Variants in TMBIM4 observed in about 807,000 individuals in gnomAD.
TMBIM4 encodes transmembrane BAX inhibitor motif containing 4.
Under a neutral mutation model 27.7 loss-of-function variants are expected in TMBIM4, and 28 were observed. That is an observed-to-expected ratio of 1.01 (90% confidence interval 0.75 to 1.38). TMBIM4 has a LOEUF of 1.38. Among genes scored for constraint, TMBIM4 ranks in the 40% most tolerant of loss-of-function variants. TMBIM4 has a pLI of 0.00. For synonymous variants in TMBIM4, 115 were observed against 113.1 expected, an observed-to-expected ratio of 1.02 and a Z score of -0.11; for missense variants, 265 against 277.5, an observed-to-expected ratio of 0.95 and a Z score of 0.32.
intron 1 of TMBIM4, among the ~76,000 whole-genome samples, chr12:66,160,566 T>A (rs1029470806): frequency 1.3e-5 from 2 of 152,218 alleles, no homozygotes; most frequent in African/African-American, 4.8e-5. Flanking sequence ...ACATATATAT[T>A]ACAATAGACT....
Position 66,138,082 on chromosome 12 carries a change from G to A in TMBIM4, c.595C>T (p.His199Tyr). Residue 199 changes from histidine (H) to tyrosine (Y), a missense_variant, in exon 7 of 7, where the codon CAC (histidine) becomes TAC (tyrosine). By Grantham distance (83) the His-to-Tyr change is moderately conservative (BLOSUM62 2). Transcript: ENST00000358230. ...GGTGACAGTTTATGCATCAGTGAGT[G>A]TGTGTCATAGATGATGAATCCACAG... ...LFCGFIIYDT[H>Y]SLMHKLSPEE... The A allele has an allele frequency of 1.9e-6, 3 of 1,614,014 alleles. No homozygotes were observed. The highest frequency in any genetic ancestry group is 1.3e-5 in the African/African-American group (1 of 75,008).
In TMBIM4 at chr12:66,169,913, G is replaced by T. The variant is rs774876325; in HGVS notation, c.39C>A (p.Ile13=). ...DPDPRYPRSS[I]EDDFNYGSSV... Reference sequence around the variant, plus strand: ...TGCTGCCATAGTTGAAGTCGTCCTCGATCGAGGAGCGAGGGTACCGGGGGT... The same window carrying T: ...TGCTGCCATAGTTGAAGTCGTCCTCTATCGAGGAGCGAGGGTACCGGGGGT... Residue 13 remains isoleucine, a synonymous_variant, in exon 1 of 7, where the codon ATC becomes ATA. Transcript: ENST00000358230. 1.3e-6 allele frequency: 2 copies of T among 1,495,384 alleles called. No homozygotes were observed. Among genetic ancestry groups the T allele is most frequent in the Non-Finnish European group, 1.8e-6 (2 of 1,124,576 alleles). 92.6% of individuals were successfully genotyped at this position (1,495,384 alleles called of 1,614,324 possible).
intron 3 of TMBIM4, among the ~76,000 whole-genome samples, chr12:66,149,895 C>T (rs1460762290): frequency 2.6e-5 from 4 of 152,018 alleles, no homozygotes; most frequent in Non-Finnish European, 4.4e-5. Flanking sequence ...CATACACACA[C>T]ACACACACTC....
At chr12:66,153,852 T>A (rs745909107) in intron 1 of TMBIM4, among the ~76,000 whole-genome samples, 75 of 152,190 alleles carry the variant, frequency 4.9e-4, no homozygotes, top group Non-Finnish European at 3.1e-4. Context: ...AGTTTTTTTA[T>A]GTCTTAATTT....
chr12:66,167,006 C>T (rs940860456), intron 1 of TMBIM4, among the ~76,000 whole-genome samples: 10 of 152,096 alleles, frequency 6.6e-5, no homozygotes, highest in African/African-American at 2.4e-4. Flanking sequence ...AAACCTTAAA[C>T]GCATATTATA....
At position 66,153,333 on chromosome 12, in the gene TMBIM4, A is replaced by G; in HGVS notation, c.206+7T>C. On this transcript the variant is annotated splice_region_variant and intron_variant, in intron 2 of 6. Coordinates refer to ENST00000358230, the MANE Select transcript of TMBIM4 (RefSeq NM_016056.4). The stretch of plus-strand genomic sequence containing the variant: ...GAAAATTATTCATTACCATCTCATT[A>G]CCTTACCTCTCATGTACAAATGTCC... 1 of 1,477,098 alleles carries G rather than the reference A, an allele frequency of 6.8e-7. No individual in the cohort carries two copies. The highest frequency in any genetic ancestry group is 9.3e-7 in the Non-Finnish European group (1 of 1,072,984). 91.5% of individuals were successfully genotyped at this position (1,477,098 alleles called of 1,614,324 possible).
intron 5 of TMBIM4, among the ~76,000 whole-genome samples, chr12:66,144,058 G>A (rs960489312): frequency 6.6e-6 from 1 of 152,110 alleles, no homozygotes; most frequent in Admixed American, 6.6e-5. Context: ...ACCAAGAGCA[G>A]TAGTGAAGTG....
At chr12:66,138,429 A>G (rs973334317) in intron 6 of TMBIM4, 1 of 383,528 alleles carries the variant, frequency 2.6e-6, no homozygotes. Flanking sequence ...ATTTAAAAAT[A>G]TATTTCGTTT....
chr12:66,169,536 A>T, intron 1 of TMBIM4: 1 of 479,778 alleles, frequency 2.1e-6, no homozygotes, highest in Non-Finnish European at 3.6e-6. Context: ...CAAGATGCCA[A>T]ATTCAGGCTG....
intron 1 of TMBIM4, among the ~76,000 whole-genome samples, chr12:66,165,020 CAAG>C (rs1321177235): frequency 1.3e-5 from 2 of 151,968 alleles, no homozygotes; most frequent in African/African-American, 2.4e-5. Context: ...TAAACCTAAC[CAAG>C]AAGACAAATT....
At chr12:66,152,734 TTTAAA>T (rs1471043059) in intron 2 of TMBIM4, among the ~76,000 whole-genome samples, 2 of 152,116 alleles carry the variant, frequency 1.3e-5, no homozygotes, top group Admixed American at 1.3e-4. Flanking sequence ...ATGGCTGTAA[TTTAAA>T]TTAAAGAATT....
intron 5 of TMBIM4, among the ~76,000 whole-genome samples, chr12:66,142,142 T>C (rs939765864): frequency 3.3e-5 from 5 of 152,004 alleles, no homozygotes; most frequent in African/African-American, 1.2e-4. Context: ...GAGTTATTTA[T>C]TGTAATGCTA....
At chr12:66,141,362 G>T (rs1455104627) in intron 5 of TMBIM4, among the ~76,000 whole-genome samples, 2 of 151,950 alleles carry the variant, frequency 1.3e-5, no homozygotes, top group East Asian at 3.8e-4. Flanking sequence ...ACATAAAATG[G>T]TATATTATTT....
intron 1 of TMBIM4, chr12:66,169,020 T>C (rs377136395): frequency 6.9e-6 from 2 of 291,658 alleles, no homozygotes. Context: ...ACCAAGATTC[T>C]TGGTGCATCA....
At chr12:66,165,503 G>A (rs1009258322) in intron 1 of TMBIM4, among the ~76,000 whole-genome samples, 6 of 149,158 alleles carry the variant, frequency 4.0e-5, no homozygotes, top group African/African-American at 1.2e-4. Flanking sequence ...CTGCAGCCTC[G>A]ACCTCCCAGG....
chr12:66,158,259 T>G (rs1466162442), intron 1 of TMBIM4, among the ~76,000 whole-genome samples: 1 of 150,416 alleles, frequency 6.6e-6, no homozygotes, highest in Middle Eastern at 3.2e-3. Flanking sequence ...ATGAAAGGCT[T>G]CTGACTCAGG....
chr12:66,164,037 T>G (rs10878389), intron 1 of TMBIM4, among the ~76,000 whole-genome samples: 45,117 of 152,098 alleles, frequency 0.3, 7,207 homozygotes, highest in South Asian at 0.41. Context: ...AATTAATCAA[T>G]GTAATCAGCA....
At chr12:66,153,209 A>G in intron 2 of TMBIM4, 131 bp downstream of exon 2, 5 of 607,274 alleles carry the variant, frequency 8.2e-6, no homozygotes, top group South Asian at 2.0e-5. Context: ...AATCAGGCTT[A>G]TAAGAGTAAA....
chr12:66,156,051 A>G (rs2051930473), intron 1 of TMBIM4, among the ~76,000 whole-genome samples: 1 of 152,212 alleles, frequency 6.6e-6, no homozygotes, highest in South Asian at 2.1e-4. Context: ...AACTTTTTCT[A>G]TACTTTAGTA....
Sources: allele counts gnomAD v4.1 joint callset (sites outside exome capture counted in the v4.1 genomes callset), GRCh38; gene constraint gnomAD v4.1.1; transcripts MANE v1.5; gene names NCBI Gene and HGNC (gene_info 2026-07-23, HGNC 2026-07-21).